Variants in FGF14 observed in about 807,000 individuals in gnomAD.
FGF14 encodes the protein fibroblast growth factor homologous factor 4.
Under a neutral mutation model 25.5 loss-of-function variants are expected in FGF14, and 5 were observed. That is an observed-to-expected ratio of 0.20 (90% confidence interval 0.10 to 0.41). The LOEUF is 0.41. Ranked by LOEUF, FGF14 falls within the 10% of genes least tolerant of loss-of-function variation. FGF14 has a pLI of 1.00. For missense variants in FGF14, 222 were observed against 320.1 expected (o/e 0.69, Z 2.34); for synonymous variants, 138 against 118.3 (o/e 1.17, Z -1.08).
At chr13:102,129,445 C>A (rs1159126082) in intron 1 of FGF14, among the ~76,000 whole-genome samples, 1 of 152,088 alleles carries the variant, frequency 6.6e-6, no homozygotes, top group Non-Finnish European at 1.5e-5. Flanking sequence ...GGCATCAATT[C>A]TCTCCTTTAG....
chr13:102,059,693 A>G (rs1032957153), intron 1 of FGF14, among the ~76,000 whole-genome samples: 1 of 152,124 alleles, frequency 6.6e-6, no homozygotes, highest in Non-Finnish European at 1.5e-5. Context: ...TCTACTAAAA[A>G]TGCAAAACTT....
upstream of FGF14, among the ~76,000 whole-genome samples, chr13:101,921,939 C>T (rs2034034227): frequency 6.6e-6 from 1 of 152,200 alleles, no homozygotes; most frequent in African/African-American, 2.4e-5. Flanking sequence ...TTCTACATAG[C>T]ACGTACAACT....
intron 1 of FGF14, among the ~76,000 whole-genome samples, chr13:102,135,509 G>A (rs2140431584): frequency 6.6e-6 from 1 of 152,182 alleles, no homozygotes; most frequent in Non-Finnish European, 1.5e-5. Flanking sequence ...TTTTTTAATT[G>A]GTTGTTTTTA....
At chr13:101,969,251 G>A (rs887801095) in intron 1 of FGF14, among the ~76,000 whole-genome samples, 1 of 152,130 alleles carries the variant, frequency 6.6e-6, no homozygotes, top group African/African-American at 2.4e-5. Flanking sequence ...CTGGTTACTG[G>A]GGATTGAAGG....
At chr13:101,848,410 T>C (rs930218578) in intron 3 of FGF14, among the ~76,000 whole-genome samples, 2 of 151,968 alleles carry the variant, frequency 1.3e-5, no homozygotes, top group Non-Finnish European at 2.9e-5. Context: ...TAATAAAATG[T>C]CAAGCTCCAA....
At chr13:101,774,232 C>T (rs748004254) in intron 3 of FGF14, among the ~76,000 whole-genome samples, 1 of 152,086 alleles carries the variant, frequency 6.6e-6, no homozygotes, top group Non-Finnish European at 1.5e-5. Flanking sequence ...GGATTGGACC[C>T]ATTTTTGTAT....
At chr13:101,784,187 A>C (rs1043333220) in intron 3 of FGF14, among the ~76,000 whole-genome samples, 1 of 152,184 alleles carries the variant, frequency 6.6e-6, no homozygotes, top group Non-Finnish European at 1.5e-5. Flanking sequence ...AAGTTCTTTC[A>C]ACAAGTCACT....
At chr13:102,061,664 G>A (rs1390194863) in intron 1 of FGF14, among the ~76,000 whole-genome samples, 2 of 152,192 alleles carry the variant, frequency 1.3e-5, no homozygotes, top group Non-Finnish European at 1.5e-5. Context: ...AAAACCTGGA[G>A]AGTCTTTGTG....
At chr13:102,143,843 T>C (rs1368982758) in intron 1 of FGF14, among the ~76,000 whole-genome samples, 1 of 152,130 alleles carries the variant, frequency 6.6e-6, no homozygotes, top group Non-Finnish European at 1.5e-5. Context: ...TGTTTGTACC[T>C]CCTCTCTCTT....
chr13:102,036,334 T>C (rs1324511693), intron 1 of FGF14, among the ~76,000 whole-genome samples: 1 of 152,134 alleles, frequency 6.6e-6, no homozygotes, highest in Non-Finnish European at 1.5e-5. Context: ...CAGATGTCCC[T>C]ACAATGTGCT....
chr13:102,274,170 T>TA (rs2053392542), intron 1 of FGF14, among the ~76,000 whole-genome samples: 1 of 152,206 alleles, frequency 6.6e-6, no homozygotes, highest in Non-Finnish European at 1.5e-5. Flanking sequence ...TGTGCCTGGC[T>TA]AGCTACACAT....
rs71125043 is a variant in FGF14 at position 102,087,407 on chromosome 13, C to CTTTTTTTTTT, written c.209-212121_209-212112dup. Among the ~76,000 whole-genome samples the CTTTTTTTTTT allele has an allele frequency of 4.5e-4, 38 of 84,442 alleles. 4 individuals are homozygous for CTTTTTTTTTT. Among genetic ancestry groups the CTTTTTTTTTT allele is most frequent in the African/African-American group, 9.7e-4 (22 of 22,712 alleles). 55.4% of individuals were successfully genotyped at this position (84,442 alleles called of 152,430 possible). On this transcript the variant is annotated intron_variant, in intron 1 of 4. Coordinates refer to the FGF14 transcript ENST00000376131. ...AATAGTAAAAAATAGACTGTAATTT[C>CTTTTTTTTTT]TTTTTTTTTTTTTTTTTTTTTTGAG...
intron 1 of FGF14, among the ~76,000 whole-genome samples, chr13:102,164,019 T>C (rs1264052121): frequency 1.3e-5 from 2 of 152,188 alleles, no homozygotes; most frequent in Non-Finnish European, 2.9e-5. Flanking sequence ...AGGAAGACCA[T>C]GTCCTTTCTC....
At chr13:102,344,226 C>G (rs371790904) in intron 1 of FGF14, among the ~76,000 whole-genome samples, 1 of 152,154 alleles carries the variant, frequency 6.6e-6, no homozygotes, top group African/African-American at 2.4e-5. Flanking sequence ...ACTTAGATGT[C>G]AGAATATTTT....
At chr13:102,278,989 A>G (rs1346733931) in intron 1 of FGF14, among the ~76,000 whole-genome samples, 2 of 152,186 alleles carry the variant, frequency 1.3e-5, no homozygotes, top group African/African-American at 2.4e-5. Context: ...AGGTGATATT[A>G]TATATATTTG....
At chr13:101,775,523 AGTGT>A (rs34273365) in intron 3 of FGF14, among the ~76,000 whole-genome samples, 3 of 151,510 alleles carry the variant, frequency 2.0e-5, no homozygotes, top group African/African-American at 7.3e-5. Flanking sequence ...TTCTGGGGTG[AGTGT>A]GTGTGTGTGT....
intron 1 of FGF14, among the ~76,000 whole-genome samples, chr13:102,028,050 G>C (rs2041021603): frequency 6.6e-6 from 1 of 151,990 alleles, no homozygotes; most frequent in Non-Finnish European, 1.5e-5. Flanking sequence ...TCTCTCTGCT[G>C]TCTGTTCTTG....
At chr13:102,298,085 G>A (rs2138533119) in intron 1 of FGF14, among the ~76,000 whole-genome samples, 1 of 151,830 alleles carries the variant, frequency 6.6e-6, no homozygotes, top group African/African-American at 2.4e-5. Flanking sequence ...AAATGGATTG[G>A]ATGATTTGGC....
chr13:101,928,395 GGTGTGTGTGTGT>G (rs149758126), intron 1 of FGF14, among the ~76,000 whole-genome samples: 3 of 148,030 alleles, frequency 2.0e-5, no homozygotes, highest in Middle Eastern at 3.5e-3. Context: ...AACTTGCTGT[GGTGTGTGTGTGT>G]GTGTGTGTGT....
Sources: allele counts gnomAD v4.1 joint callset (sites outside exome capture counted in the v4.1 genomes callset), GRCh38; gene constraint gnomAD v4.1.1; transcripts MANE v1.5; gene names NCBI Gene and HGNC (gene_info 2026-07-23, HGNC 2026-07-21).